CTNNA3: variants seen among roughly 807,000 people sequenced by gnomAD.
CTNNA3 encodes the protein catenin alpha-3.
A neutral mutation model predicts 95.7 loss-of-function variants in CTNNA3; 76 were observed. The ratio of observed to expected loss-of-function variants is 0.79; its 90% CI spans 0.66 to 0.96. The LOEUF is 0.96. CTNNA3 is among the 40% of genes least tolerant of loss of function. The pLI, the probability that CTNNA3 is intolerant of heterozygous loss-of-function variation, is 0.00. For missense variants in CTNNA3, 1,191 were observed against 1,089.8 expected (o/e 1.09, Z -1.31); for synonymous variants, 431 against 374.4 (o/e 1.15, Z -1.74).
At chr10:67,714,445 T>C (rs560734651) in intron 1 of CTNNA3, among the ~76,000 whole-genome samples, 9 of 152,218 alleles carry the variant, frequency 5.9e-5, no homozygotes, top group Non-Finnish European at 1.2e-4. Context: ...TGTAGCCCCT[T>C]TGTTTTGGCC....
chr10:66,889,853 C>T (rs58488976), intron 7 of CTNNA3, among the ~76,000 whole-genome samples: 3,626 of 146,924 alleles, frequency 0.025, 68 homozygotes, highest in African/African-American at 0.049. Context: ...TGCAGTGGTG[C>T]AATATTGGCT....
At chr10:66,702,824 G>C (rs896828595) in intron 9 of CTNNA3, among the ~76,000 whole-genome samples, 1 of 150,626 alleles carries the variant, frequency 6.6e-6, no homozygotes, top group Non-Finnish European at 1.5e-5. Context: ...ATGATTTCTT[G>C]TGCTGTTATA....
intron 7 of CTNNA3, among the ~76,000 whole-genome samples, chr10:66,788,960 G>A (rs1356699379): frequency 6.6e-6 from 1 of 152,192 alleles, no homozygotes; most frequent in Non-Finnish European, 1.5e-5. Flanking sequence ...CAGATTGGGA[G>A]ATAGGTACTT....
chr10:67,719,236 T>C (rs1482785149), intron 1 of CTNNA3, among the ~76,000 whole-genome samples: 1 of 151,952 alleles, frequency 6.6e-6, no homozygotes, highest in East Asian at 1.9e-4. Flanking sequence ...TTTGTTAATC[T>C]TTAAAAAAAA....
intron 7 of CTNNA3, among the ~76,000 whole-genome samples, chr10:66,904,244 CTAA>C (rs1419756380): frequency 2.0e-5 from 3 of 152,116 alleles, no homozygotes; most frequent in Non-Finnish European, 4.4e-5. Context: ...TTTGACAAAC[CTAA>C]CAAAAACAAG....
chr10:65,922,231 G>A (rs2077098727), intron 17 of CTNNA3, among the ~76,000 whole-genome samples: 1 of 152,148 alleles, frequency 6.6e-6, no homozygotes, highest in African/African-American at 2.4e-5. Context: ...TTAACAGAGT[G>A]TCTAAAATTT....
chr10:67,745,207 C>G (rs938244763), intron 1 of CTNNA3, among the ~76,000 whole-genome samples: 6 of 152,130 alleles, frequency 3.9e-5, no homozygotes, highest in African/African-American at 1.2e-4. Flanking sequence ...GACACATGCA[C>G]ACATATGTTT....
At chr10:66,232,071 A>G (rs532847074) in intron 13 of CTNNA3, among the ~76,000 whole-genome samples, 1 of 152,320 alleles carries the variant, frequency 6.6e-6, no homozygotes, top group Admixed American at 6.5e-5. Flanking sequence ...CTAATTACAT[A>G]CAGTTGAGGT....
At chr10:67,664,520 C>T (rs1474456865) in intron 1 of CTNNA3, among the ~76,000 whole-genome samples, 1 of 152,188 alleles carries the variant, frequency 6.6e-6, no homozygotes. Context: ...TATTTTCTCT[C>T]TCATCTATCC....
At chr10:67,068,035 C>G (rs923880380) in intron 7 of CTNNA3, among the ~76,000 whole-genome samples, 32 of 152,236 alleles carry the variant, frequency 2.1e-4, no homozygotes, top group African/African-American at 7.5e-4. Context: ...TAAAGAACAT[C>G]CTAGTAAGAG....
chr10:67,504,024 G>A (rs918499364), intron 5 of CTNNA3, among the ~76,000 whole-genome samples: 3 of 151,664 alleles, frequency 2.0e-5, no homozygotes, highest in African/African-American at 7.3e-5. Context: ...GGGCATGGTG[G>A]TGGGTGCCTG....
intron 12 of CTNNA3, among the ~76,000 whole-genome samples, chr10:66,332,155 TG>T (rs1208703984): frequency 7.2e-5 from 11 of 152,120 alleles, no homozygotes; most frequent in African/African-American, 2.4e-4. Context: ...GCTGAGACAA[TG>T]GGGTTTTCTA....
At chr10:66,978,544 A>AATAAAAATAAAAAAAAT (rs1554890302) in intron 7 of CTNNA3, among the ~76,000 whole-genome samples, 1 of 75,574 alleles carries the variant, frequency 1.3e-5, no homozygotes, top group Admixed American at 1.4e-4. Context: ...AAAAAAAAAA[A>AATAAAAATAAAAAAAAT]AAAAAAAAAT....
At chr10:67,607,563 A>C (rs1434584003) in intron 2 of CTNNA3, among the ~76,000 whole-genome samples, 1 of 152,156 alleles carries the variant, frequency 6.6e-6, no homozygotes, top group Non-Finnish European at 1.5e-5. Flanking sequence ...AGAGGCAGGC[A>C]CACTTGATGT....
At chr10:67,012,371 AT>A (rs1396267473) in intron 7 of CTNNA3, 3 of 152,146 alleles carry the variant, frequency 2.0e-5, no homozygotes, top group African/African-American at 4.8e-5. Context: ...TCTCTATAGT[AT>A]CTTCTCCCCT....
chr10:67,356,143 C>T (rs1842799582), intron 5 of CTNNA3, among the ~76,000 whole-genome samples: 1 of 152,034 alleles, frequency 6.6e-6, no homozygotes, highest in Non-Finnish European at 1.5e-5. Context: ...ACACTATGTC[C>T]TCTGGAGAAC....
intron 7 of CTNNA3, among the ~76,000 whole-genome samples, chr10:67,154,432 C>T (rs1231415931): frequency 1.3e-5 from 2 of 152,066 alleles, no homozygotes; most frequent in African/African-American, 4.8e-5. Flanking sequence ...AGTCAGACAC[C>T]TATGTGAGGG....
At chr10:67,035,564 T>G (rs148259003) in intron 7 of CTNNA3, among the ~76,000 whole-genome samples, 1 of 152,156 alleles carries the variant, frequency 6.6e-6, no homozygotes, top group African/African-American at 2.4e-5. Context: ...GAGAACTTTT[T>G]GACACACAAT....
At chr10:66,597,711 C>T (rs138376612) in intron 10 of CTNNA3, among the ~76,000 whole-genome samples, 171 of 150,844 alleles carry the variant, frequency 1.1e-3, no homozygotes, top group African/African-American at 3.8e-3. Flanking sequence ...CAGGAGAGTG[C>T]GGATGATATA....
Sources: gnomAD v4.1 joint callset for allele counts (sites outside exome capture counted in the v4.1 genomes callset) on GRCh38, gnomAD v4.1.1 for gene constraint, MANE v1.5 for transcripts, NCBI Gene and HGNC (gene_info 2026-07-23, HGNC 2026-07-21) for gene names.